CD81: variants seen among roughly 807,000 people sequenced by gnomAD.
CD81 encodes CD81 antigen.
A neutral mutation model predicts 30.1 loss-of-function variants in CD81; 10 were observed. The ratio of observed to expected loss-of-function variants is 0.33; its 90% confidence interval spans 0.21 to 0.56. The LOEUF is 0.56. CD81 is among the 20% of genes least tolerant of loss of function. The pLI is 0.89. For synonymous variants in CD81, 147 were observed against 126.4 expected (o/e 1.16, Z -1.10); for missense variants, 263 against 308.7 (o/e 0.85, Z 1.11).
upstream of CD81, chr11:2,377,204 C>G (rs1418291038): frequency 6.6e-6 from 1 of 152,250 alleles, no homozygotes; most frequent in African/African-American, 2.4e-5. The surrounding 1 kb of genome is among the most constrained non-coding windows in gnomAD (Gnocchi z 7.7). Context: ...CGCGCCCTGG[C>G]GGCAGGAGGC....
At chr11:2,394,271 T>C in intron 3 of CD81, 79 bp downstream of exon 3, 1 of 946,060 alleles carries the variant, frequency 1.1e-6, no homozygotes, top group Non-Finnish European at 1.7e-6. Context: ...GGGGCAGAGC[T>C]GGTGCTCAGG....
chr11:2,386,879 C>G (rs532864646), intron 1 of CD81, among the ~76,000 whole-genome samples: 2 of 152,242 alleles, frequency 1.3e-5, no homozygotes, highest in Non-Finnish European at 2.9e-5. Flanking sequence ...CAGGCCAGGA[C>G]CAGCCTTCCC....
At chr11:2,379,178 C>T (rs868215763) in intron 1 of CD81, 3 of 453,614 alleles carry the variant, frequency 6.6e-6, no homozygotes, top group Non-Finnish European at 8.9e-6. Flanking sequence ...GTCCCTCTGC[C>T]AGCCCCTGAA....
In CD81 at chr11:2,397,020, A is replaced by G. The variant is rs1001698574; in HGVS notation, c.*154A>G. On this transcript the variant is annotated 3_prime_UTR_variant, in exon 8 of 8. Transcript: ENST00000263645. ...TTTTGGGGTTTTGTTTTTGTTCTGA[A>G]CTTTCCTGTTACCTTTTCAGGGCTG... 1.3e-6 allele frequency: 1 copy of G among 753,722 alleles called. No homozygotes were observed. The highest frequency in any genetic ancestry group is 2.2e-6 in the Non-Finnish European group (1 of 444,612). The allele number at this position is 753,722 out of a possible 1,614,324, so 46.7% of individuals were successfully genotyped here.
In CD81 at chr11:2,396,723, G is replaced by T; in HGVS notation, c.648+9G>T. On this transcript the variant is annotated intron_variant, in intron 7 of 7. Coordinates refer to ENST00000263645, the MANE Select transcript of CD81 (RefSeq NM_004356.4). Reference sequence around the variant, plus strand: ...TGGTCGCTGTGATCATGGTGAGCGGGCGGGGGCGGAGGGCCTGCTCTCTGG... The same window carrying T: ...TGGTCGCTGTGATCATGGTGAGCGGTCGGGGGCGGAGGGCCTGCTCTCTGG... The T allele has an allele frequency of 6.2e-7, 1 of 1,611,638 alleles. No homozygotes were observed. The highest frequency in any genetic ancestry group is 2.2e-5 in the East Asian group (1 of 44,874).
chr11:2,378,995 GC>G lies in CD81; in HGVS notation c.66+1381del, dbSNP rs1849651848. Among the ~76,000 whole-genome samples, 1 of 152,234 alleles carries G rather than the reference GC, an allele frequency of 6.6e-6. No homozygotes were observed. The highest frequency in any genetic ancestry group is 6.5e-5 in the Admixed American group (1 of 15,294). Reference sequence around the variant, plus strand: ...CAAGCCGGGCTGTTCTGCACAGCCTGCTTGGGACGCTGGTGGGAGTCACTGT... The same window carrying G: ...CAAGCCGGGCTGTTCTGCACAGCCTGTTGGGACGCTGGTGGGAGTCACTGT... On this transcript the variant is annotated intron_variant, in intron 1 of 7. Transcript: ENST00000263645. The surrounding 1 kb of genome is among the most constrained non-coding windows in gnomAD (Gnocchi z 4.9).
At chr11:2,386,733 G>A in intron 1 of CD81, 1 of 684,340 alleles carries the variant, frequency 1.5e-6, no homozygotes, top group Non-Finnish European at 2.7e-6. Flanking sequence ...GGGGACAGTT[G>A]AGGTGGACAG....
chr11:2,380,236 A>G (rs1349237309), intron 1 of CD81, among the ~76,000 whole-genome samples: 3 of 152,124 alleles, frequency 2.0e-5, no homozygotes, highest in African/African-American at 7.2e-5. Context: ...GACACAGTGC[A>G]GTCCTGTGGG....
rs1254789542 is a variant in CD81 at position 2,395,495 on chromosome 11, C to T, written c.434C>T (p.Ala145Val). The part of the protein sequence containing the change: ...VVDDDANNAK[A>V]VVKTFHETLD... ...GATGATGACGCCAACAACGCCAAGG[C>T]TGTGGTGAAGACCTTCCACGAGACG... The change falls in exon 5 of 8, where the codon GCT becomes GTT. Residue 145 changes from alanine to valine, a missense_variant. By Grantham distance (64) the Ala-to-Val change is moderately conservative. Around this residue, in one of 3 missense-constraint regions of CD81, gnomAD observed 176 missense variants for 192.9 expected, o/e 0.91. Coordinates refer to ENST00000263645, the MANE Select transcript of CD81 (RefSeq NM_004356.4). The T allele has an allele frequency of 6.2e-7, 1 of 1,612,660 alleles. No individual in the cohort carries two copies. Among genetic ancestry groups the T allele is most frequent in the South Asian group, 1.1e-5 (1 of 91,090 alleles).
rs1564993232 is a variant in CD81 at position 2,390,468 on chromosome 11, C to T, written c.123C>T (p.Thr41=). The T allele has an allele frequency of 2.5e-6, 4 of 1,612,984 alleles. No individual in the cohort carries two copies. The highest frequency in any genetic ancestry group is 2.5e-6 in the Non-Finnish European group (3 of 1,180,010). The change falls in exon 2 of 8, where the codon ACC becomes ACT. Residue 41 remains threonine (T), a synonymous_variant. Coordinates refer to ENST00000263645, the MANE Select transcript of CD81 (RefSeq NM_004356.4). The part of the protein sequence containing the change: ...VALWLRHDPQ[T]TNLLYLELGD... ...TGTGGCTCCGCCATGACCCGCAGAC[C>T]ACCAACCTCCTGTATCTGGAGCTGG...
At chr11:2,395,130 C>T in intron 4 of CD81, 84 bp downstream of exon 4, 3 of 1,187,796 alleles carry the variant, frequency 2.5e-6, no homozygotes, top group South Asian at 2.4e-5. Flanking sequence ...TGGGCTGACT[C>T]ATGGCTTGTG....
rs561620338 is a variant in CD81 at position 2,389,982 on chromosome 11, C to A, written c.67-430C>A. ...GGATGCTCAGGTCCTGGTATCACCT[C>A]TGGCCAGATACGGAAGGTGAAACTA... is the stretch of plus-strand genomic sequence containing the variant. On this transcript the variant is annotated intron_variant, in intron 1 of 7. Coordinates refer to ENST00000263645, the MANE Select transcript of CD81 (RefSeq NM_004356.4). 106 of 345,490 alleles carry A rather than the reference C, an allele frequency of 3.1e-4. 1 individual carries two copies. Among genetic ancestry groups the A allele is most frequent in the South Asian group, 1.8e-3 (79 of 43,638 alleles). 21.4% of individuals were successfully genotyped at this position (345,490 alleles called of 1,614,324 possible).
chr11:2,397,062 G>C lies in CD81; in HGVS notation c.*196G>C. On this transcript the variant is annotated 3_prime_UTR_variant, in exon 8 of 8. Coordinates refer to ENST00000263645, the MANE Select transcript of CD81 (RefSeq NM_004356.4). ...TCAGGGCTGACGTCACATGTAGGTG[G>C]CGTGTATGAGTGGAGACGGGCCTGG... 3.2e-6 allele frequency: 2 copies of C among 634,880 alleles called. No homozygotes were observed. 39.3% of individuals were successfully genotyped at this position (634,880 alleles called of 1,614,324 possible). A position where few individuals can be genotyped will look rare whatever the true frequency, so the allele number is the denominator to read the frequency against.
At chr11:2,393,864 C>T (rs980682398) in intron 2 of CD81, 1 of 685,318 alleles carries the variant, frequency 1.5e-6, no homozygotes, top group Non-Finnish European at 2.7e-6. Context: ...TGCCCAGTCC[C>T]CATGTGGCCT....
chr11:2,391,926 C>G (rs1022886539), intron 2 of CD81: 1 of 152,240 alleles, frequency 6.6e-6, no homozygotes, highest in Non-Finnish European at 1.5e-5. Flanking sequence ...GCCTCTTGCT[C>G]CCCGCTTCCC....
intron 1 of CD81, among the ~76,000 whole-genome samples, chr11:2,383,426 G>A (rs949082154): frequency 7.2e-5 from 11 of 152,146 alleles, no homozygotes; most frequent in Non-Finnish European, 1.3e-4. Flanking sequence ...TGGAGGGGCC[G>A]TTCACCTCCG....
intron 1 of CD81, among the ~76,000 whole-genome samples, chr11:2,383,803 G>T (rs1051642806): frequency 6.6e-6 from 1 of 152,262 alleles, no homozygotes; most frequent in Admixed American, 6.5e-5. Flanking sequence ...GGGTGCCTGG[G>T]CAGGACTTGG....
intron 1 of CD81, among the ~76,000 whole-genome samples, chr11:2,384,323 T>TGTCTCGGGAAGCGGGGC (rs1421279076): frequency 0.021 from 849 of 41,022 alleles, 20 homozygotes; most frequent in Middle Eastern, 0.056. Context: ...GGAGGCGGGG[T>TGTCTCGGGAAGCGGGGC]GTCTCGGGAA....
intron 7 of CD81, 22 bp from the exon 8 acceptor site, chr11:2,396,782 G>GC (rs757201726): frequency 2.9e-5 from 46 of 1,612,260 alleles, no homozygotes; most frequent in African/African-American, 5.3e-5. Flanking sequence ...TGCTGACTGC[G>GC]CCCCCCACCA....
Sources: allele counts gnomAD v4.1 joint callset (sites outside exome capture counted in the v4.1 genomes callset), GRCh38; gene constraint gnomAD v4.1.1; regional missense constraint gnomAD v4.1.1; non-coding constraint Gnocchi (gnomAD v3.1); transcripts MANE v1.5; gene names NCBI Gene and HGNC (gene_info 2026-07-23, HGNC 2026-07-21).